The following PRRX1 variants were observed in gnomAD, a reference collection of about 807,000 sequenced individuals.
The protein encoded by PRRX1 is paired mesoderm homeobox protein 1.
Under a neutral mutation model 24.0 loss-of-function variants are expected in PRRX1, and 8 were observed. The ratio of observed to expected loss-of-function variants is 0.33; its 90% confidence interval spans 0.20 to 0.60. The LOEUF (loss-of-function observed/expected upper bound fraction) is 0.60. Among genes scored for constraint, PRRX1 ranks in the 20% least tolerant of loss-of-function variants. The pLI is 0.82. For synonymous variants in PRRX1, 160 were observed against 131.7 expected, an observed-to-expected ratio of 1.22 and a Z score of -1.47; for missense variants, 281 against 322.4, an observed-to-expected ratio of 0.87 and a Z score of 0.98.
At chr1:170,696,518 T>C (rs534803083) in intron 1 of PRRX1, among the ~76,000 whole-genome samples, 84 of 152,260 alleles carry the variant, frequency 5.5e-4, no homozygotes, top group African/African-American at 2.0e-3. Flanking sequence ...ACTCAATGAT[T>C]CTTACGAATT....
chr1:170,717,339 C>T (rs1201657616), intron 1 of PRRX1, among the ~76,000 whole-genome samples: 5 of 152,298 alleles, frequency 3.3e-5, no homozygotes, highest in African/African-American at 1.2e-4. Flanking sequence ...CAAAGAACTA[C>T]TGAGATTATG....
At chr1:170,689,580 T>C (rs1653858104) in intron 1 of PRRX1, among the ~76,000 whole-genome samples, 1 of 152,162 alleles carries the variant, frequency 6.6e-6, no homozygotes, top group Non-Finnish European at 1.5e-5. Flanking sequence ...TGTGACCAGA[T>C]GTCTATGCCA....
Position 170,664,260 on chromosome 1 carries a change from G to C in PRRX1, c.42G>C (p.Ala14=). ...GGCACGTTCTGGAGCGGCAACCGGC[G>C]CTGGGCGGCCGCTTGGACAGCCCGG... is the stretch of plus-strand genomic sequence containing the variant. The part of the protein sequence containing the change: ...SYGHVLERQP[A]LGGRLDSPGN... Residue 14 remains alanine, a synonymous_variant, in exon 1 of 4, where the codon GCG becomes GCC. Transcript: ENST00000239461. 6.2e-7 allele frequency: 1 copy of C among 1,612,634 alleles called. No individual in the cohort carries two copies. The highest frequency in any genetic ancestry group is 1.7e-5 in the Admixed American group (1 of 59,918).
intron 1 of PRRX1, among the ~76,000 whole-genome samples, chr1:170,669,773 C>T (rs1354181471): frequency 1.3e-5 from 2 of 152,140 alleles, no homozygotes; most frequent in African/African-American, 4.8e-5. Context: ...TTGCGACCCC[C>T]GGCGCGCCTC....
rs554622190 is a variant in PRRX1, at chr1:170,738,089, G to T, written c.*1903G>T. The T allele has an allele frequency of 4.6e-6, 1 of 216,608 alleles. No individual in the cohort carries two copies. Among genetic ancestry groups the T allele is most frequent in the African/African-American group, 2.2e-5 (1 of 44,540 alleles). 13.4% of individuals were successfully genotyped at this position (216,608 alleles called of 1,614,324 possible). On this transcript the variant is annotated 3_prime_UTR_variant, in exon 4 of 4. Transcript: ENST00000239461. Reference sequence around the variant, plus strand: ...ACCAAAGAATAATTTAAGACACATAGAACAGATTTTTTTAATTTATATTTT... The same window carrying T: ...ACCAAAGAATAATTTAAGACACATATAACAGATTTTTTTAATTTATATTTT...
intron 1 of PRRX1, among the ~76,000 whole-genome samples, chr1:170,685,864 G>A (rs1215494007): frequency 6.7e-6 from 1 of 150,258 alleles, no homozygotes; most frequent in Non-Finnish European, 1.5e-5. Flanking sequence ...GGCAGCATGT[G>A]AATGCAACTT....
chr1:170,711,616 G>A (rs1007271067), intron 1 of PRRX1, among the ~76,000 whole-genome samples: 6 of 152,152 alleles, frequency 3.9e-5, no homozygotes, highest in African/African-American at 1.4e-4. Flanking sequence ...TGAAAAAGGT[G>A]ACATATGATG....
intron 3 of PRRX1, chr1:170,728,483 T>C (rs1655326187): frequency 6.6e-6 from 1 of 152,224 alleles, no homozygotes; most frequent in Admixed American, 6.5e-5. Flanking sequence ...AGCTTTAGTG[T>C]ATATATTATT....
intron 1 of PRRX1, among the ~76,000 whole-genome samples, chr1:170,709,628 T>C (rs1654681550): frequency 6.6e-6 from 1 of 152,194 alleles, no homozygotes; most frequent in Non-Finnish European, 1.5e-5. Context: ...TTGACTTCTT[T>C]CTCCAGATCA....
At chr1:170,693,058 G>A (rs1295148410) in intron 1 of PRRX1, among the ~76,000 whole-genome samples, 4 of 152,024 alleles carry the variant, frequency 2.6e-5, no homozygotes, top group Non-Finnish European at 5.9e-5. Flanking sequence ...GCTAGTCACA[G>A]CATTTTTCCC....
At chr1:170,726,809 T>G (rs917635191) in intron 3 of PRRX1, 1 of 156,548 alleles carries the variant, frequency 6.4e-6, no homozygotes, top group African/African-American at 2.4e-5. Flanking sequence ...AAACTCCAAG[T>G]ATAGGGCCAA....
intron 1 of PRRX1, among the ~76,000 whole-genome samples, chr1:170,682,572 A>G (rs1653589727): frequency 6.6e-6 from 1 of 152,134 alleles, no homozygotes; most frequent in African/African-American, 2.4e-5. Context: ...TGTTTGTAGA[A>G]CAGACTTCCA....
At chr1:170,725,912 A>G (rs1026991695) in intron 2 of PRRX1, among the ~76,000 whole-genome samples, 2 of 152,110 alleles carry the variant, frequency 1.3e-5, no homozygotes, top group Admixed American at 6.5e-5. Flanking sequence ...CTTGATTACA[A>G]TTGTAACAGG....
At chr1:170,719,933 T>A in intron 2 of PRRX1, 32 bp downstream of exon 2, 1 of 1,611,392 alleles carries the variant, frequency 6.2e-7, no homozygotes, top group African/African-American at 1.3e-5. Flanking sequence ...TGGCACCAAG[T>A]AGTACCCTCC....
intron 1 of PRRX1, among the ~76,000 whole-genome samples, chr1:170,717,165 C>T (rs951275535): frequency 9.2e-5 from 14 of 152,192 alleles, no homozygotes; most frequent in African/African-American, 3.4e-4. Context: ...TTAAAAACAA[C>T]AAGAACATTC....
chr1:170,739,414 T>C lies in PRRX1; in HGVS notation c.*3228T>C, dbSNP rs1655723389. 1 of 172,042 alleles carries C rather than the reference T, an allele frequency of 5.8e-6. No homozygotes were observed. The highest frequency in any genetic ancestry group is 2.4e-5 in the African/African-American group (1 of 42,074). The allele number at this position is 172,042 out of a possible 1,614,324, so 10.7% of individuals were successfully genotyped here. On this transcript the variant is annotated 3_prime_UTR_variant, in exon 4 of 4. Coordinates refer to ENST00000239461, the MANE Select transcript of PRRX1 (RefSeq NM_022716.4). ...AGAAGGACTCTACCATGTCTTTTGT[T>C]ATATACATTTAAGCCTGCTGATTCT... is the stretch of plus-strand genomic sequence containing the variant.
chr1:170,666,011 G>A (rs1367613096), intron 1 of PRRX1, among the ~76,000 whole-genome samples: 1 of 152,260 alleles, frequency 6.6e-6, no homozygotes, highest in Non-Finnish European at 1.5e-5. Flanking sequence ...TGCTTGAGAG[G>A]CTGCACCCGC....
At chr1:170,701,762 A>G (rs1654367238) in intron 1 of PRRX1, among the ~76,000 whole-genome samples, 1 of 152,232 alleles carries the variant, frequency 6.6e-6, no homozygotes, top group Non-Finnish European at 1.5e-5. Flanking sequence ...TTTATACAGT[A>G]CAGCATGATA....
intron 1 of PRRX1, among the ~76,000 whole-genome samples, chr1:170,686,218 A>T (rs1653733372): frequency 6.6e-6 from 1 of 151,056 alleles, no homozygotes; most frequent in East Asian, 1.9e-4. Flanking sequence ...TACGTTTCAG[A>T]TATTTTTTAA....
Sources: allele counts gnomAD v4.1 joint callset (sites outside exome capture counted in the v4.1 genomes callset), GRCh38; gene constraint gnomAD v4.1.1; transcripts MANE v1.5; gene names NCBI Gene and HGNC (gene_info 2026-07-23, HGNC 2026-07-21).